CTU2: variants seen among roughly 807,000 people sequenced by gnomAD.
The protein encoded by CTU2 is cytoplasmic tRNA 2-thiolation protein 2.
CTU2 carries 80 observed loss-of-function variants against 64.1 expected under a neutral mutation model. That is an observed-to-expected ratio of 1.25 (90% CI 1.04 to 1.50). The LOEUF (loss-of-function observed/expected upper bound fraction) is 1.50, where lower values mean the gene tolerates loss of function less well. Ranked by LOEUF, CTU2 falls within the 40% of genes most tolerant of loss-of-function variation. CTU2 has a pLI of 0.00. For synonymous variants in CTU2, 482 were observed against 285.3 expected (o/e 1.69, Z -6.95); for missense variants, 1,110 against 690.2 (o/e 1.61, Z -6.81).
At position 88,715,376 on chromosome 16, in the gene CTU2, TA is replaced by T. The variant is rs113700874; in HGVS notation, c.*135del. The T allele has an allele frequency of 1.0e-3, 1,100 of 1,084,560 alleles. 3 individuals carry two copies. Among genetic ancestry groups the T allele is most frequent in the South Asian group, 1.3e-3 (77 of 59,888 alleles). 67.2% of individuals were successfully genotyped at this position (1,084,560 alleles called of 1,614,324 possible). On this transcript the variant is annotated 3_prime_UTR_variant, in exon 15 of 15. Coordinates refer to ENST00000453996, the MANE Select transcript of CTU2 (RefSeq NM_001012759.3). Reference sequence around the variant, plus strand: ...TTGTATAAATAAAACATTTTTTAATTAAAAAAAAAACTCTACAGTACACGTG... The same window carrying T: ...TTGTATAAATAAAACATTTTTTAATTAAAAAAAAACTCTACAGTACACGTG...
Position 88,714,515 on chromosome 16 carries a change from C to T in CTU2, c.1201+29C>T, listed in dbSNP as rs8050715. The T allele has an allele frequency of 5.0e-6, 8 of 1,612,490 alleles. No homozygotes were observed. The highest frequency in any genetic ancestry group is 4.4e-5 in the South Asian group (4 of 91,080). Reference sequence around the variant, plus strand: ...TGTGTTTCATGCTCTTGGGGTGATGCGGGGAGGGAGCCAGGGAGTGGGTGT... The same window carrying T: ...TGTGTTTCATGCTCTTGGGGTGATGTGGGGAGGGAGCCAGGGAGTGGGTGT... On this transcript the variant is annotated intron_variant, in intron 11 of 14. Coordinates refer to ENST00000453996, the MANE Select transcript of CTU2 (RefSeq NM_001012759.3).
rs2290896 is a variant in CTU2, at chr16:88,712,624, G to C, written c.456G>C (p.Val152=). ...FPWHVVALEE[V]FSLPPSVLWC... ...TGGCGTCTCCCTCATCCCGGAAGGT[G>C]TTCAGCCTGCCACCGTCGGTGCTTT... The change falls in exon 7 of 15, where the codon GTG becomes GTC. Residue 152 remains valine, a splice_region_variant and synonymous_variant. Coordinates refer to ENST00000453996, the MANE Select transcript of CTU2 (RefSeq NM_001012759.3). 0.13 allele frequency: 210,243 copies of C among 1,609,376 alleles called. 14,624 individuals carry two copies. Among genetic ancestry groups the C allele is most frequent in the Admixed American group, 0.17 (9,977 of 59,830 alleles).
chr16:88,711,733 T>G (rs769602142), intron 5 of CTU2, 38 bp downstream of exon 5: 23 of 1,577,138 alleles, frequency 1.5e-5, no homozygotes, highest in Middle Eastern at 1.7e-4. Context: ...CCCTGGCCAC[T>G]TGGGGTAAGC....
intron 5 of CTU2, chr16:88,711,995 G>A (rs549291243): frequency 1.9e-4 from 117 of 611,054 alleles, no homozygotes; most frequent in Non-Finnish European, 2.9e-4. Context: ...GGACAAAGAA[G>A]GGCAAGTTAA....
At chr16:88,706,626 G>T in intron 1 of CTU2, 28 bp downstream of exon 1, 1 of 1,365,594 alleles carries the variant, frequency 7.3e-7, no homozygotes, top group Admixed American at 3.8e-5. Flanking sequence ...GACCCGCCAG[G>T]CCGCCCCTCG....
rs551845866 is a variant in CTU2 at position 88,706,868 on chromosome 16, C to G, written c.69-268C>G. 7.2e-6 allele frequency: 4 copies of G among 558,026 alleles called. No individual in the cohort carries two copies. The Admixed American group carries it at 1.2e-4, about 17-fold the overall frequency. 34.6% of individuals were successfully genotyped at this position (558,026 alleles called of 1,614,324 possible). On this transcript the variant is annotated intron_variant, in intron 1 of 14. Transcript: ENST00000453996. ...TTCGGAGAGAACTGGTGCCGTGAAGCTGTCTCGCCTCCCCGTGTCAGCCTT... is the reference window on the plus strand; with the variant it reads ...TTCGGAGAGAACTGGTGCCGTGAAGGTGTCTCGCCTCCCCGTGTCAGCCTT...
In CTU2 at chr16:88,712,766, G is replaced by T. The variant is rs562322056; in HGVS notation, c.598G>T (p.Glu200Ter). The T allele has an allele frequency of 4.4e-6, 7 of 1,608,668 alleles. No individual in the cohort carries two copies. In the East Asian group the frequency reaches 1.6e-4, roughly 36 times the overall value. ...GGGTGGTCCTGGCCCGACTCAAGGGGAGGAACAGCCACCCCAGCCCCCGCT... is the reference window on the plus strand; with the variant it reads ...GGGTGGTCCTGGCCCGACTCAAGGGTAGGAACAGCCACCCCAGCCCCCGCT... ...AGGGPGPTQG[E>*]EQPPQPPLDP... The change falls in exon 7 of 15, where the codon GAG (glutamate) becomes TAG (stop). Residue 200 changes from glutamate to a stop codon, truncating the protein, a stop_gained. Transcript: ENST00000453996. LOFTEE classifies it high-confidence loss of function.
rs545320542 is a variant in CTU2, at chr16:88,714,201, C to T, written c.1071C>T (p.Phe357=). 1.9e-6 allele frequency: 3 copies of T among 1,611,132 alleles called. No homozygotes were observed. The highest frequency in any genetic ancestry group is 1.3e-5 in the African/African-American group (1 of 74,470). Residue 357 remains phenylalanine, a synonymous_variant, in exon 10 of 15, where the codon TTC becomes TTT. Coordinates refer to ENST00000453996, the MANE Select transcript of CTU2 (RefSeq NM_001012759.3). ...EAFILRLQTQ[F]PSTVSTVYRT... ...TCATCCTCAGGCTGCAGACCCAGTT[C>T]CCCTCCACTGTCAGCACTGTGTACA...
intron 1 of CTU2, 49 bp downstream of exon 1, chr16:88,706,647 G>A: frequency 7.7e-7 from 1 of 1,302,032 alleles, no homozygotes; most frequent in South Asian, 1.7e-5. Context: ...CCTTCCCGCC[G>A]CACTCCTGCC....
rs2290904 is a variant in CTU2 at position 88,713,682 on chromosome 16, G to A, written c.909G>A (p.Val303=). The A allele has an allele frequency of 0.13, 211,766 of 1,612,444 alleles. 15,313 individuals carry two copies. Among genetic ancestry groups the A allele is most frequent in the African/African-American group, 0.23 (16,927 of 74,980 alleles). Residue 303 remains valine (V), a synonymous_variant, in exon 9 of 15, where the codon GTG becomes GTA. Coordinates refer to ENST00000453996, the MANE Select transcript of CTU2 (RefSeq NM_001012759.3). ...FSDERHGDVV[V]VRPMRDHTLK... is the part of the protein sequence containing the mutation. ...ATGAGCGGCACGGGGACGTGGTGGT[G>A]GTGCGGCCCATGCGGGACCACACCC...
intron 9 of CTU2, 28 bp downstream of exon 9, chr16:88,713,806 C>G (rs1317256506): frequency 1.2e-6 from 2 of 1,611,658 alleles, no homozygotes; most frequent in Non-Finnish European, 8.5e-7. Flanking sequence ...GGCAACCTCT[C>G]TCACCATTGA....
At chr16:88,713,289 C>A (rs777978121) in intron 7 of CTU2, 23 bp from the exon 8 acceptor site, 7 of 1,559,190 alleles carry the variant, frequency 4.5e-6, no homozygotes, top group Non-Finnish European at 6.1e-6. Context: ...CCCCCCAGGC[C>A]CCTGAGACGC....
chr16:88,710,447 A>C, intron 4 of CTU2, 165 bp downstream of exon 4: 1 of 640,568 alleles, frequency 1.6e-6, no homozygotes, highest in Non-Finnish European at 2.7e-6. Flanking sequence ...AGGTGCACCA[A>C]TCAGGAGCTG....
chr16:88,711,673 G>A lies in CTU2; in HGVS notation c.321G>A (p.Val107=). Residue 107 remains valine (V), a synonymous_variant, in exon 5 of 15, where the codon GTG becomes GTA. Coordinates refer to ENST00000453996, the MANE Select transcript of CTU2 (RefSeq NM_001012759.3). ...SQDSAKRLRF[V]AGVIFVDEGA... ...ATTCTGCCAAAAGACTGCGCTTTGT[G>A]GCAGGAGTCATCTTTGTTGACGGTA... 6.2e-7 allele frequency: 1 copy of A among 1,608,844 alleles called. No individual in the cohort carries two copies. The highest frequency in any genetic ancestry group is 8.5e-7 in the Non-Finnish European group (1 of 1,176,852).
intron 10 of CTU2, 55 bp from the exon 11 acceptor site, chr16:88,714,328 A>T (rs894248730): frequency 6.2e-7 from 1 of 1,601,096 alleles, no homozygotes; most frequent in African/African-American, 1.3e-5. Flanking sequence ...GCCAGGGCTT[A>T]GGGTGGAGCC....
chr16:88,715,170 C>T lies in CTU2; in HGVS notation c.1479-12C>T, dbSNP rs777414861. ...GCCTCGGGGCTGGTGCCCACTGCAG[C>T]TTTCTCTCTAGGGCCTGGGGCTTGC... is the stretch of plus-strand genomic sequence containing the variant. On this transcript the variant is annotated splice_polypyrimidine_tract_variant and intron_variant, in intron 14 of 14. Transcript: ENST00000453996. 6.2e-7 allele frequency: 1 copy of T among 1,611,164 alleles called. No homozygotes were observed. Among genetic ancestry groups the T allele is most frequent in the Admixed American group, 1.7e-5 (1 of 59,762 alleles).
In CTU2 at chr16:88,714,235, TGTG is replaced by T; in HGVS notation, c.1097+9_1097+11del. On this transcript the variant is annotated intron_variant, in intron 10 of 14. Transcript: ENST00000453996. ...TGTCAGCACTGTGTACAGGTGTGGG[TGTG>T]TGTGGGTGTGTGCGGGGGGTGCGCG... The T allele has an allele frequency of 6.4e-7, 1 of 1,567,504 alleles. No homozygotes were observed. Among genetic ancestry groups the T allele is most frequent in the Non-Finnish European group, 8.6e-7 (1 of 1,160,916 alleles).
intron 2 of CTU2, 30 bp from the exon 3 acceptor site, chr16:88,709,908 C>T (rs199990366): frequency 4.4e-6 from 7 of 1,600,930 alleles, no homozygotes; most frequent in African/African-American, 1.3e-5. Flanking sequence ...GGGTAGCAGG[C>T]GGTTCCCTCA....
In CTU2 at chr16:88,713,367, G is replaced by T; in HGVS notation, c.793G>T (p.Gly265Trp). ...RAHGYSKVMT[G>W]DSCTRLAIKL... ...CCACGGCTACTCCAAGGTCATGACT[G>T]GGGACAGCTGCACACGCTTGGCTAT... is the stretch of plus-strand genomic sequence containing the variant. Residue 265 changes from glycine (G) to tryptophan (W), a missense_variant, in exon 8 of 15, where the codon GGG becomes TGG. By Grantham distance (184) the Gly-to-Trp change is radical. Transcript: ENST00000453996. 2 of 1,603,126 alleles carry T rather than the reference G, an allele frequency of 1.2e-6. No homozygotes were observed. Among genetic ancestry groups the T allele is most frequent in the East Asian group, 2.3e-5 (1 of 43,354 alleles).
Sources: gnomAD v4.1 joint callset for allele counts on GRCh38, gnomAD v4.1.1 for gene constraint, MANE v1.5 for transcripts, NCBI Gene and HGNC (gene_info 2026-07-23, HGNC 2026-07-21) for gene names.